The following PDE4D variants were observed in gnomAD, a reference collection of about 807,000 sequenced individuals.
PDE4D encodes 3',5'-cyclic-AMP phosphodiesterase 4D.
Under a neutral mutation model 87.4 loss-of-function variants are expected in PDE4D, and 24 were observed. That is an observed-to-expected ratio of 0.27 (90% CI 0.20 to 0.39). The LOEUF (loss-of-function observed/expected upper bound fraction) is 0.39. PDE4D is among the 10% of genes least tolerant of loss of function. The probability of loss-of-function intolerance (pLI) is 1.00; values close to 1 mark genes in which losing one functional copy is unlikely to be tolerated. For synonymous variants in PDE4D, 384 were observed against 383.2 expected, an observed-to-expected ratio of 1.00 and a Z score of -0.02; for missense variants, 714 against 1,041.0, an observed-to-expected ratio of 0.69 and a Z score of 4.32.
rs1156467369 is a variant in PDE4D, at chr5:59,649,905, C to CTTTTTTTTTTTTTTTTTTTTTT, written c.455+243241_455+243262dup. Among the ~76,000 whole-genome samples, 186 of 72,436 alleles carry CTTTTTTTTTTTTTTTTTTTTTT rather than the reference C, an allele frequency of 2.6e-3. 23 individuals carry two copies. The highest frequency in any genetic ancestry group is 7.7e-3 in the Middle Eastern group (1 of 130). 47.5% of individuals were successfully genotyped at this position (72,436 alleles called of 152,430 possible). On this transcript the variant is annotated intron_variant, in intron 1 of 14. Coordinates refer to ENST00000340635, the MANE Select transcript of PDE4D (RefSeq NM_001104631.2). ...GTTAAAATGTTGATAGTTTGTGAAC[C>CTTTTTTTTTTTTTTTTTTTTTT]TTTTTTTTTTTTTTTTTTTTTTTTT...
At chr5:59,199,938 A>G (rs1746409753) in intron 2 of PDE4D, among the ~76,000 whole-genome samples, 1 of 151,848 alleles carries the variant, frequency 6.6e-6, no homozygotes, top group Non-Finnish European at 1.5e-5. Flanking sequence ...GCACATATAT[A>G]CATATATACA....
intron 1 of PDE4D, among the ~76,000 whole-genome samples, chr5:59,379,122 G>A (rs755899040): frequency 1.2e-4 from 19 of 152,050 alleles, no homozygotes; most frequent in Admixed American, 1.1e-3. Context: ...CCTAGTGCAC[G>A]GCAACTAAGC....
At chr5:59,774,146 T>C (rs1000096554) in intron 1 of PDE4D, among the ~76,000 whole-genome samples, 1 of 152,280 alleles carries the variant, frequency 6.6e-6, no homozygotes, top group Non-Finnish European at 1.5e-5. Context: ...ATCAGTAACA[T>C]TTACGTGGTA....
At chr5:59,559,567 T>C (rs970416210) in intron 1 of PDE4D, among the ~76,000 whole-genome samples, 12 of 152,226 alleles carry the variant, frequency 7.9e-5, no homozygotes, top group Non-Finnish European at 2.9e-5. Flanking sequence ...TGAATGACGC[T>C]GGTTGTTCTA....
intron 1 of PDE4D, among the ~76,000 whole-genome samples, chr5:59,359,340 T>A (rs573776793): frequency 5.3e-4 from 81 of 152,208 alleles, no homozygotes; most frequent in Non-Finnish European, 8.7e-4. Flanking sequence ...TAGTGTGAAA[T>A]CAGTTACAGA....
chr5:60,032,206 T>C (rs1475846526), intron 2 of PDE4D, among the ~76,000 whole-genome samples: 2 of 152,148 alleles, frequency 1.3e-5, no homozygotes, highest in Admixed American at 1.3e-4. Context: ...ATGATAACCA[T>C]GATGAAGATA....
intron 2 of PDE4D, among the ~76,000 whole-genome samples, chr5:60,048,461 C>T (rs902176664): frequency 4.6e-5 from 7 of 151,890 alleles, no homozygotes; most frequent in East Asian, 1.9e-4. Context: ...TTCCTAGTCT[C>T]GATGGTCTTT....
intron 2 of PDE4D, among the ~76,000 whole-genome samples, chr5:60,104,100 T>C (rs1436081850): frequency 6.6e-6 from 1 of 152,118 alleles, no homozygotes; most frequent in African/African-American, 2.4e-5. Context: ...GAGTTCCCTT[T>C]CCTAGTCAAA....
intron 2 of PDE4D, among the ~76,000 whole-genome samples, chr5:60,120,334 T>C (rs1778564327): frequency 6.6e-6 from 1 of 152,156 alleles, no homozygotes; most frequent in African/African-American, 2.4e-5. Flanking sequence ...ACAAACTTTG[T>C]GTACCTATGG....
intron 5 of PDE4D, among the ~76,000 whole-genome samples, chr5:59,055,031 C>T (rs917573758): frequency 1.3e-5 from 2 of 152,126 alleles, no homozygotes; most frequent in Admixed American, 1.3e-4. Context: ...CAGGGTACTA[C>T]AAGTTTACCA....
chr5:60,205,344 G>C (rs112932787), intron 1 of PDE4D, among the ~76,000 whole-genome samples: 2,075 of 152,258 alleles, frequency 0.014, 21 homozygotes, highest in Middle Eastern at 0.034. Context: ...TCCTCTTTCA[G>C]TACATTGCAC....
At chr5:59,400,612 T>G (rs1373015345) in intron 1 of PDE4D, among the ~76,000 whole-genome samples, 3 of 146,468 alleles carry the variant, frequency 2.0e-5, no homozygotes, top group Admixed American at 1.4e-4. Flanking sequence ...AGGGATAGCA[T>G]TGGGAGATAT....
chr5:60,155,581 T>G (rs1249818124), intron 2 of PDE4D, among the ~76,000 whole-genome samples: 1 of 152,228 alleles, frequency 6.6e-6, no homozygotes, highest in Non-Finnish European at 1.5e-5. Flanking sequence ...TATTTGAAAT[T>G]CACTTGACAG....
At chr5:59,595,092 C>A (rs1403027508) in intron 1 of PDE4D, among the ~76,000 whole-genome samples, 8 of 152,052 alleles carry the variant, frequency 5.3e-5, no homozygotes, top group African/African-American at 1.9e-4. Flanking sequence ...ACATTTTATA[C>A]CCAGAATATG....
chr5:59,173,414 A>G (rs1468226055), intron 5 of PDE4D, among the ~76,000 whole-genome samples: 1 of 152,242 alleles, frequency 6.6e-6, no homozygotes, highest in African/African-American at 2.4e-5. Flanking sequence ...CTAAAAGATC[A>G]TAAGTTTAAC....
At chr5:59,237,804 T>G (rs1056741513) in intron 1 of PDE4D, among the ~76,000 whole-genome samples, 56 of 100,134 alleles carry the variant, frequency 5.6e-4, no homozygotes, top group African/African-American at 2.1e-3. Flanking sequence ...TGTGTGTGTG[T>G]GTGTGTGTGT....
intron 1 of PDE4D, among the ~76,000 whole-genome samples, chr5:59,874,732 A>T (rs1168317316): frequency 6.6e-6 from 1 of 152,202 alleles, no homozygotes; most frequent in Non-Finnish European, 1.5e-5. Context: ...TCTCCCTTAC[A>T]TTCAATCATC....
intron 1 of PDE4D, among the ~76,000 whole-genome samples, chr5:59,554,591 G>C (rs1429158575): frequency 6.6e-6 from 1 of 152,176 alleles, no homozygotes; most frequent in African/African-American, 2.4e-5. Flanking sequence ...TGAAAGAGAA[G>C]GCTATGATTT....
chr5:59,458,666 T>C (rs1800284312), intron 1 of PDE4D, among the ~76,000 whole-genome samples: 1 of 152,228 alleles, frequency 6.6e-6, no homozygotes. Flanking sequence ...CCCAGATTGG[T>C]ACCTTGTTAA....
Sources: gnomAD v4.1 joint callset for allele counts (sites outside exome capture counted in the v4.1 genomes callset) on GRCh38, gnomAD v4.1.1 for gene constraint, MANE v1.5 for transcripts, NCBI Gene and HGNC (gene_info 2026-07-23, HGNC 2026-07-21) for gene names.